The following LRP6 variants were observed in gnomAD, a reference collection of about 807,000 sequenced individuals.
LRP6 encodes LDL receptor related protein 6, also known as low-density lipoprotein receptor-related protein 6.
Under a neutral mutation model 184.1 loss-of-function variants are expected in LRP6, and 43 were observed. The ratio of observed to expected loss-of-function variants is 0.23; its 90% CI spans 0.18 to 0.30. The LOEUF (loss-of-function observed/expected upper bound fraction) is 0.30, where lower values mean the gene tolerates loss of function less well. Among genes scored for constraint, LRP6 ranks in the 10% least tolerant of loss-of-function variants. The pLI, the probability that LRP6 is intolerant of heterozygous loss-of-function variation, is 1.00. For missense variants in LRP6, 1,571 were observed against 2,005.3 expected (o/e 0.78, Z 4.14); for synonymous variants, 719 against 684.9 (o/e 1.05, Z -0.78).
intron 15 of LRP6, chr12:12,138,996 A>C: frequency 7.5e-7 from 1 of 1,330,182 alleles, no homozygotes; most frequent in Non-Finnish European, 1.0e-6. Context: ...ATTATTTCTA[A>C]TCATCTCAGA....
In LRP6 at chr12:12,162,213, G is replaced by A. The variant is rs750823651; in HGVS notation, c.2259C>T (p.Leu753=). 1.3e-5 allele frequency: 21 copies of A among 1,614,044 alleles called. No homozygotes were observed. The highest frequency in any genetic ancestry group is 1.1e-4 in the African/African-American group (8 of 74,916). ...TTTACCCTTCGGCAGGGTCCAACGC[G>A]AGAGCTCTGGGACTATCTAGGTCTT... ...VWKDLDSPRA[L]ALDPAEGFMY... Residue 753 remains leucine (L), a synonymous_variant, in exon 10 of 23, where the codon CTC becomes CTT. Coordinates refer to ENST00000261349, the MANE Select transcript of LRP6 (RefSeq NM_002336.3).
chr12:12,230,140 G>A (rs956631514), intron 2 of LRP6, among the ~76,000 whole-genome samples: 1 of 152,104 alleles, frequency 6.6e-6, no homozygotes, highest in African/African-American at 2.4e-5. Flanking sequence ...CATTTTAACT[G>A]GGAGGGAAGT....
rs114989381 is a variant in LRP6 at position 12,138,700 on chromosome 12, C to T, written c.3398-166G>A. The T allele has an allele frequency of 9.8e-5, 133 of 1,356,670 alleles. No homozygotes were observed. In the African/African-American group the frequency reaches 1.6e-3, roughly 16 times the overall value. 84.0% of individuals were successfully genotyped at this position (1,356,670 alleles called of 1,614,324 possible). A position where few individuals can be genotyped will look rare whatever the true frequency, so the allele number is the denominator to read the frequency against. ...TCATGGTAAGACATACACTAGAAAA[C>T]AGCCAATAAACTAGATATTAATATG... On this transcript the variant is annotated intron_variant, in intron 15 of 22. Transcript: ENST00000261349.
intron 3 of LRP6, among the ~76,000 whole-genome samples, chr12:12,200,771 G>C (rs1258777827): frequency 6.6e-6 from 1 of 152,170 alleles, no homozygotes; most frequent in Non-Finnish European, 1.5e-5. Context: ...TAAAGAAGCA[G>C]CCCATGAAAG....
intron 12 of LRP6, among the ~76,000 whole-genome samples, chr12:12,153,246 T>C (rs1343106113): frequency 6.6e-6 from 1 of 152,196 alleles, no homozygotes; most frequent in Non-Finnish European, 1.5e-5. Flanking sequence ...ACTAGCCCTT[T>C]GGGAGGCTGA....
At chr12:12,122,502 C>T (rs927838611) in intron 22 of LRP6, among the ~76,000 whole-genome samples, 1 of 152,166 alleles carries the variant, frequency 6.6e-6, no homozygotes, top group African/African-American at 2.4e-5. Context: ...CATTTGATAT[C>T]ACTTGGCTTG....
At chr12:12,224,864 G>T (rs376467418) in intron 2 of LRP6, among the ~76,000 whole-genome samples, 2 of 152,110 alleles carry the variant, frequency 1.3e-5, no homozygotes, top group African/African-American at 4.8e-5. Context: ...ATATAAATAA[G>T]GTAAGAACAT....
chr12:12,204,757 A>C (rs1565645425), intron 2 of LRP6, among the ~76,000 whole-genome samples: 1 of 150,492 alleles, frequency 6.6e-6, no homozygotes, highest in Non-Finnish European at 1.5e-5. Context: ...GGAGTTCAAG[A>C]CCAGCCTGGC....
Position 12,121,130 on chromosome 12 carries a change from G to A in LRP6, c.4838C>T (p.Ser1613Phe), listed in dbSNP as rs757943204. Reference protein sequence around the residue: ...PPPPSPCTDSS With the variant: ...PPPPSPCTDSF The stretch of plus-strand genomic sequence containing the variant: ...TCAGAGGAGGAGGGCCCCTCCTCAG[G>A]AGGAGTCTGTACAGGGAGAGGGTGG... The change falls in exon 23 of 23, where the codon TCC becomes TTC. Residue 1613 changes from serine (S) to phenylalanine (F), a missense_variant. Around this residue, in one of 4 missense-constraint regions of LRP6, gnomAD observed 763 missense variants for 859.5 expected, o/e 0.89. Coordinates refer to ENST00000261349, the MANE Select transcript of LRP6 (RefSeq NM_002336.3). 3 of 1,600,300 alleles carry A rather than the reference G, an allele frequency of 1.9e-6. No homozygotes were observed. Among genetic ancestry groups the A allele is most frequent in the African/African-American group, 1.3e-5 (1 of 74,662 alleles).
At chr12:12,146,250 T>G (rs938419571) in intron 15 of LRP6, among the ~76,000 whole-genome samples, 8 of 152,194 alleles carry the variant, frequency 5.3e-5, no homozygotes, top group African/African-American at 1.9e-4. Flanking sequence ...GGAATGCATA[T>G]TTTAAATTTT....
chr12:12,210,244 T>C (rs1864171794), intron 2 of LRP6, among the ~76,000 whole-genome samples: 1 of 152,126 alleles, frequency 6.6e-6, no homozygotes, highest in South Asian at 2.1e-4. Context: ...GCAACAGAAG[T>C]TGAGGACTGG....
At chr12:12,133,439 CTT>C (rs908975373) in intron 17 of LRP6, among the ~76,000 whole-genome samples, 4 of 152,180 alleles carry the variant, frequency 2.6e-5, no homozygotes, top group Admixed American at 1.3e-4. Context: ...CTCTCTCTCT[CTT>C]GCTCCCTCTT....
chr12:12,180,955 A>G (rs1391899156), intron 6 of LRP6, 88 bp downstream of exon 6: 1 of 1,399,774 alleles, frequency 7.1e-7, no homozygotes, highest in Non-Finnish European at 1.0e-6. Context: ...AAACCAATAT[A>G]TATGTCATGT....
intron 2 of LRP6, among the ~76,000 whole-genome samples, chr12:12,234,008 G>C (rs1333656286): frequency 6.6e-6 from 1 of 152,118 alleles, no homozygotes; most frequent in Admixed American, 6.5e-5. Flanking sequence ...GTTAAGTTTT[G>C]GCCGGGCACG....
intron 19 of LRP6, among the ~76,000 whole-genome samples, chr12:12,129,136 T>C (rs951158089): frequency 2.0e-5 from 3 of 152,248 alleles, no homozygotes; most frequent in Non-Finnish European, 2.9e-5. Flanking sequence ...TTTAAATGCA[T>C]GAGCTCACAT....
chr12:12,205,254 T>C (rs571464697), intron 2 of LRP6, among the ~76,000 whole-genome samples: 2 of 145,588 alleles, frequency 1.4e-5, no homozygotes, highest in African/African-American at 5.1e-5. Flanking sequence ...GAGGCGGATG[T>C]TGCCTCAGTG....
At chr12:12,213,409 A>AT (rs976940870) in intron 2 of LRP6, among the ~76,000 whole-genome samples, 4 of 152,018 alleles carry the variant, frequency 2.6e-5, no homozygotes, top group Admixed American at 2.6e-4. Context: ...GGGATTAAAC[A>AT]TTTTTCTTAT....
chr12:12,225,362 C>T (rs1864593002), intron 2 of LRP6, among the ~76,000 whole-genome samples: 1 of 152,154 alleles, frequency 6.6e-6, no homozygotes, highest in Non-Finnish European at 1.5e-5. Context: ...ACTGCCCCCA[C>T]AATTGGATAG....
At chr12:12,160,199 T>A (rs1010371455) in intron 10 of LRP6, among the ~76,000 whole-genome samples, 1 of 152,206 alleles carries the variant, frequency 6.6e-6, no homozygotes, top group African/African-American at 2.4e-5. Context: ...TTCCAATACA[T>A]TTGTTCCATC....
Sources: gnomAD v4.1 joint callset for allele counts (sites outside exome capture counted in the v4.1 genomes callset) on GRCh38, gnomAD v4.1.1 for gene constraint, gnomAD v4.1.1 regional missense constraint, MANE v1.5 for transcripts, NCBI Gene and HGNC (gene_info 2026-07-23, HGNC 2026-07-21) for gene names.